ANKFN1: variants seen among roughly 807,000 people sequenced by gnomAD.
ANKFN1 encodes the protein ankyrin repeat and fibronectin type-III domain-containing protein 1.
Under a neutral mutation model 108.7 loss-of-function variants are expected in ANKFN1, and 74 were observed. The ratio of observed to expected loss-of-function variants is 0.68; its 90% CI spans 0.56 to 0.83. The LOEUF (loss-of-function observed/expected upper bound fraction) is 0.83. ANKFN1 is among the 40% of genes least tolerant of loss of function. The probability of loss-of-function intolerance (pLI) is 0.00; values close to 1 mark genes in which losing one functional copy is unlikely to be tolerated. For missense variants in ANKFN1, 1,505 were observed against 1,382.3 expected (o/e 1.09, Z -1.41); for synonymous variants, 547 against 516.2 (o/e 1.06, Z -0.81).
intron 8 of ANKFN1, among the ~76,000 whole-genome samples, chr17:56,388,147 T>C (rs1598505906): frequency 6.7e-6 from 1 of 149,358 alleles, no homozygotes; most frequent in Non-Finnish European, 1.5e-5. Flanking sequence ...TCTTTCTTTC[T>C]TTTTTTTTTG....
At chr17:56,077,236 C>T (rs1384479110) in intron 4 of ANKFN1, among the ~76,000 whole-genome samples, 1 of 152,168 alleles carries the variant, frequency 6.6e-6, no homozygotes, top group Non-Finnish European at 1.5e-5. Context: ...ATTGGTCAAC[C>T]ATTGTATTCT....
At chr17:56,353,322 G>A (rs2144681824) in intron 5 of ANKFN1, among the ~76,000 whole-genome samples, 1 of 150,880 alleles carries the variant, frequency 6.6e-6, no homozygotes, top group East Asian at 2.0e-4. Flanking sequence ...TGCAACCTCT[G>A]CCCCCTGGGC....
At chr17:56,388,776 G>A (rs778886783) in intron 8 of ANKFN1, among the ~76,000 whole-genome samples, 3 of 151,654 alleles carry the variant, frequency 2.0e-5, no homozygotes, top group Non-Finnish European at 2.9e-5. Flanking sequence ...CCCTCTCAGC[G>A]TATTCTCTAC....
intron 1 of ANKFN1, among the ~76,000 whole-genome samples, chr17:56,172,406 A>G (rs904895476): frequency 1.3e-5 from 2 of 151,980 alleles, no homozygotes; most frequent in Non-Finnish European, 2.9e-5. Flanking sequence ...CACTTATCTG[A>G]TTTTTAATTA....
At chr17:56,311,415 C>A (rs2045022472) in intron 3 of ANKFN1, among the ~76,000 whole-genome samples, 2 of 152,152 alleles carry the variant, frequency 1.3e-5, no homozygotes, top group African/African-American at 4.8e-5. Flanking sequence ...TCCAAAAATC[C>A]AAAATCCAAA....
chr17:56,240,573 G>A (rs980393275), intron 3 of ANKFN1, among the ~76,000 whole-genome samples: 1 of 152,004 alleles, frequency 6.6e-6, no homozygotes, highest in African/African-American at 2.4e-5. Context: ...GGATTATAAG[G>A]TATATATCTC....
intron 6 of ANKFN1, among the ~76,000 whole-genome samples, chr17:56,355,567 G>T (rs922969348): frequency 6.6e-6 from 1 of 152,156 alleles, no homozygotes; most frequent in East Asian, 1.9e-4. Flanking sequence ...CGATGGGAAG[G>T]CAGTGGAGCA....
chr17:56,428,639 T>A (rs2048654767), intron 8 of ANKFN1, among the ~76,000 whole-genome samples: 1 of 151,984 alleles, frequency 6.6e-6, no homozygotes, highest in Admixed American at 6.6e-5. Flanking sequence ...ATTTTTGTAT[T>A]TTTAGTAGAG....
At chr17:56,138,512 CTT>C (rs59070658) in intron 4 of ANKFN1, among the ~76,000 whole-genome samples, 46 of 135,772 alleles carry the variant, frequency 3.4e-4, no homozygotes, top group Non-Finnish European at 3.2e-4. Context: ...TTTTTCTTTT[CTT>C]TTTTTTTTTT....
intron 19 of ANKFN1, among the ~76,000 whole-genome samples, chr17:56,497,609 C>G (rs1241061468): frequency 6.6e-6 from 1 of 152,142 alleles, no homozygotes; most frequent in Non-Finnish European, 1.5e-5. Flanking sequence ...AAATATAACA[C>G]TGGGTAGTGT....
chr17:56,144,433 G>A (rs994681223), intron 4 of ANKFN1, among the ~76,000 whole-genome samples: 11 of 152,152 alleles, frequency 7.2e-5, no homozygotes, highest in African/African-American at 2.7e-4. Flanking sequence ...AAAGTACTTT[G>A]GCATGCATCC....
At chr17:56,235,591 C>A (rs1567855137) in intron 3 of ANKFN1, among the ~76,000 whole-genome samples, 2 of 152,152 alleles carry the variant, frequency 1.3e-5, no homozygotes, top group African/African-American at 4.8e-5. Flanking sequence ...GTTACCCCAG[C>A]ACCATTTCTT....
chr17:56,150,268 A>C (rs1908518258), upstream of ANKFN1, among the ~76,000 whole-genome samples: 1 of 152,216 alleles, frequency 6.6e-6, no homozygotes, highest in Non-Finnish European at 1.5e-5. Context: ...AACATGATTA[A>C]GTTGGGAAAT....
intron 4 of ANKFN1, among the ~76,000 whole-genome samples, chr17:56,336,459 G>A (rs1179257216): frequency 3.9e-5 from 6 of 152,052 alleles, no homozygotes; most frequent in Non-Finnish European, 8.8e-5. Flanking sequence ...GGGTGTATGC[G>A]GCCAGGAATT....
intron 16 of ANKFN1, among the ~76,000 whole-genome samples, chr17:56,480,347 G>A (rs2050653358): frequency 6.6e-6 from 1 of 152,042 alleles, no homozygotes; most frequent in Admixed American, 6.6e-5. Context: ...AATTTACAGG[G>A]GATCTGCAGA....
intron 4 of ANKFN1, among the ~76,000 whole-genome samples, chr17:56,069,848 G>T (rs1905099872): frequency 6.6e-6 from 1 of 152,196 alleles, no homozygotes; most frequent in Non-Finnish European, 1.5e-5. Context: ...CCCTAGGGCT[G>T]CTGGTTGGTC....
At chr17:56,377,718 T>C (rs2046982284) in intron 8 of ANKFN1, among the ~76,000 whole-genome samples, 1 of 152,220 alleles carries the variant, frequency 6.6e-6, no homozygotes, top group African/African-American at 2.4e-5. Context: ...TCTGCAGGCC[T>C]GAGACAGAAA....
At chr17:56,252,673 G>T (rs2043262221) in intron 3 of ANKFN1, among the ~76,000 whole-genome samples, 2 of 150,512 alleles carry the variant, frequency 1.3e-5, no homozygotes, top group Admixed American at 6.6e-5. Flanking sequence ...GGCTACTAAG[G>T]AGAGTGAGGT....
intron 3 of ANKFN1, among the ~76,000 whole-genome samples, chr17:56,237,033 T>C (rs1917206746): frequency 6.6e-6 from 1 of 152,210 alleles, no homozygotes; most frequent in Non-Finnish European, 1.5e-5. Flanking sequence ...TGTTTTTGTC[T>C]TTAGTTCTGT....
Sources: allele counts gnomAD v4.1 joint callset (sites outside exome capture counted in the v4.1 genomes callset), GRCh38; gene constraint gnomAD v4.1.1; transcripts MANE v1.5; gene names NCBI Gene and HGNC (gene_info 2026-07-23, HGNC 2026-07-21).